SLC15A1: variants seen among roughly 807,000 people sequenced by gnomAD.
The protein encoded by SLC15A1 is solute carrier family 15 member 1.
Under a neutral mutation model 92.9 loss-of-function variants are expected in SLC15A1, and 83 were observed. The observed-to-expected ratio is 0.89, with a 90% CI of 0.75 to 1.07. SLC15A1 has a LOEUF of 1.07. Among genes scored for constraint, SLC15A1 ranks in the 50% least tolerant of loss-of-function variants. The probability of loss-of-function intolerance (pLI) is 0.00; values close to 1 mark genes in which losing one functional copy is unlikely to be tolerated. For synonymous variants in SLC15A1, 322 were observed against 318.2 expected (o/e 1.01, Z -0.13); for missense variants, 857 against 880.1 (o/e 0.97, Z 0.33).
At position 98,750,206 on chromosome 13, in the gene SLC15A1, G is replaced by A. The variant is rs143483101; in HGVS notation, c.4+2389C>T. 2.6e-5 allele frequency among the ~76,000 whole-genome samples: 4 copies of A among 151,828 alleles called. No homozygotes were observed. The East Asian group carries it at 5.8e-4, about 22-fold the overall frequency. On this transcript the variant is annotated intron_variant, in intron 1 of 22. Coordinates refer to ENST00000376503, the MANE Select transcript of SLC15A1 (RefSeq NM_005073.4). ...TGGCTCACTGCAACCTCTGCCTCCC[G>A]GGTTCAAGTGATTCTCCTGCCTCAG...
At chr13:98,711,370 T>C (rs1411071094) in intron 11 of SLC15A1, among the ~76,000 whole-genome samples, 1 of 152,138 alleles carries the variant, frequency 6.6e-6, no homozygotes, top group Non-Finnish European at 1.5e-5. Context: ...ACCTGCCAGG[T>C]TGTAGGTCCC....
In SLC15A1 at chr13:98,702,481, T is replaced by C. The variant is rs2088075987; in HGVS notation, c.1465A>G (p.Arg489Gly). ...TAAATTTTAAAGAAATATACATACC[T>C]GATTCCATTTTCCCCTTTTTCTGGC... ...QKPEKGENGI[R>G]FVNTFNELIT... Residue 489 changes from arginine to glycine, a missense_variant and splice_region_variant, in exon 18 of 23, where the codon AGA becomes GGA. Arg to Gly is a moderately radical substitution (Grantham distance 125). Coordinates refer to ENST00000376503, the MANE Select transcript of SLC15A1 (RefSeq NM_005073.4). 5 of 1,602,420 alleles carry C rather than the reference T, an allele frequency of 3.1e-6. No homozygotes were observed. Among genetic ancestry groups the C allele is most frequent in the Admixed American group, 3.3e-5 (2 of 59,976 alleles).
At chr13:98,728,920 G>T (rs1490986483) in intron 1 of SLC15A1, among the ~76,000 whole-genome samples, 1 of 128,204 alleles carries the variant, frequency 7.8e-6, no homozygotes, top group South Asian at 2.6e-4. Context: ...GGTGGAGGTT[G>T]CAATGAGTCA....
Position 98,726,170 on chromosome 13 carries a change from C to T in SLC15A1, c.198G>A (p.Thr66=), listed in dbSNP as rs761859796. ...YHTFVALCYL[T]PILGALIADS... ...CGGCGATAAGAGCTCCGAGAATTGG[C>T]GTCAGGTAGCACAGAGCCACAAACG... Residue 66 remains threonine, a synonymous_variant, in exon 4 of 23, where the codon ACG becomes ACA. Coordinates refer to ENST00000376503, the MANE Select transcript of SLC15A1 (RefSeq NM_005073.4). 2.9e-5 allele frequency: 46 copies of T among 1,613,938 alleles called. No homozygotes were observed. The highest frequency in any genetic ancestry group is 6.7e-5 in the East Asian group (3 of 44,886).
chr13:98,686,857 T>A (rs1178197526), intron 21 of SLC15A1, among the ~76,000 whole-genome samples: 1 of 152,198 alleles, frequency 6.6e-6, no homozygotes, highest in East Asian at 1.9e-4. Context: ...CACAGTTCAA[T>A]AATTAAGCTC....
chr13:98,715,140 CAT>C (rs1327353979), intron 9 of SLC15A1, among the ~76,000 whole-genome samples: 6 of 152,176 alleles, frequency 3.9e-5, no homozygotes, highest in Non-Finnish European at 7.3e-5. Context: ...AATCTTTGTA[CAT>C]GAGTCTGTGT....
intron 16 of SLC15A1, among the ~76,000 whole-genome samples, chr13:98,705,185 T>G (rs1593987799): frequency 7.1e-5 from 8 of 112,146 alleles, no homozygotes; most frequent in South Asian, 3.0e-4. Flanking sequence ...GGCGACAGAG[T>G]GAGGCTCTGT....
intron 22 of SLC15A1, among the ~76,000 whole-genome samples, chr13:98,685,769 C>T (rs923356415): frequency 5.9e-5 from 9 of 152,034 alleles, no homozygotes; most frequent in Non-Finnish European, 7.4e-5. Flanking sequence ...GGGCAGATAG[C>T]GAGGTCAAGA....
At chr13:98,726,757 C>T in intron 2 of SLC15A1, 86 bp downstream of exon 2, 1 of 1,300,486 alleles carries the variant, frequency 7.7e-7, no homozygotes, top group Non-Finnish European at 1.1e-6. Context: ...ATGTACAGAT[C>T]TGTTAGGTGA....
At chr13:98,749,106 C>T (rs1174362640) in intron 1 of SLC15A1, among the ~76,000 whole-genome samples, 2 of 152,194 alleles carry the variant, frequency 1.3e-5, no homozygotes, top group African/African-American at 2.4e-5. Context: ...AGTGTGGGAC[C>T]ACCTCTATAG....
At chr13:98,717,465 G>A (rs1215814686) in intron 8 of SLC15A1, among the ~76,000 whole-genome samples, 1 of 152,142 alleles carries the variant, frequency 6.6e-6, no homozygotes, top group African/African-American at 2.4e-5. Context: ...AGAAGAAAAA[G>A]CATAATCGTT....
At chr13:98,691,774 A>G (rs771086304) in intron 18 of SLC15A1, among the ~76,000 whole-genome samples, 12 of 152,116 alleles carry the variant, frequency 7.9e-5, no homozygotes, top group South Asian at 2.1e-4. Context: ...ATAACCTCCA[A>G]TGAAAATGGA....
chr13:98,740,908 T>C (rs1009808826), intron 1 of SLC15A1, among the ~76,000 whole-genome samples: 2 of 152,214 alleles, frequency 1.3e-5, no homozygotes, highest in Admixed American at 6.5e-5. Flanking sequence ...TCTTCTAGCA[T>C]CAGAGTCAGG....
intron 1 of SLC15A1, among the ~76,000 whole-genome samples, chr13:98,745,023 G>A (rs1489559292): frequency 6.6e-6 from 1 of 152,124 alleles, no homozygotes; most frequent in African/African-American, 2.4e-5. Context: ...AACCAGAAAA[G>A]TGAAACACTG....
chr13:98,719,558 CA>C (rs978982619), intron 7 of SLC15A1, among the ~76,000 whole-genome samples: 13 of 152,158 alleles, frequency 8.5e-5, no homozygotes, highest in African/African-American at 2.9e-4. Context: ...CCAGCTTGGC[CA>C]AAATCAGCGG....
At chr13:98,687,146 G>C (rs1467693573) in intron 21 of SLC15A1, among the ~76,000 whole-genome samples, 1 of 151,780 alleles carries the variant, frequency 6.6e-6, no homozygotes, top group Admixed American at 6.6e-5. Flanking sequence ...AATTTTTAAA[G>C]CTAGACCTTA....
intron 1 of SLC15A1, among the ~76,000 whole-genome samples, chr13:98,732,124 C>T (rs1045685035): frequency 4.6e-5 from 7 of 152,184 alleles, no homozygotes; most frequent in Admixed American, 1.3e-4. Context: ...GACTTCAGAC[C>T]GAACTCAAGT....
chr13:98,712,502 T>C lies in SLC15A1; in HGVS notation c.806A>G (p.Tyr269Cys). ...GTAGCAATGACCGTTACTTACATCG[T>C]ATTTCTCTTTAGCCCAGTCCAGCCA... ...EHWLDWAKEK[Y>C]DERLISQIKM... Residue 269 changes from tyrosine to cysteine, a missense_variant, in exon 10 of 23, where the codon TAC (tyrosine) becomes TGC (cysteine). Physicochemically the swap from Tyr to Cys is radical, Grantham distance 194 (BLOSUM62 -2). Transcript: ENST00000376503. 1 of 1,608,508 alleles carries C rather than the reference T, an allele frequency of 6.2e-7. No individual in the cohort carries two copies. Among genetic ancestry groups the C allele is most frequent in the Non-Finnish European group, 8.5e-7 (1 of 1,175,576 alleles).
chr13:98,726,294 G>C (rs770818211), intron 3 of SLC15A1, 30 bp from the exon 4 acceptor site: 2 of 1,613,482 alleles, frequency 1.2e-6, no homozygotes, highest in South Asian at 2.2e-5. Flanking sequence ...GAAGAGGAGG[G>C]GGAAACAAAG....
Sources: allele counts gnomAD v4.1 joint callset (sites outside exome capture counted in the v4.1 genomes callset), GRCh38; gene constraint gnomAD v4.1.1; transcripts MANE v1.5; gene names NCBI Gene and HGNC (gene_info 2026-07-23, HGNC 2026-07-21).